USP42: variants seen among roughly 807,000 people sequenced by gnomAD.
The protein encoded by USP42 is ubiquitin specific peptidase 42, also known as ubiquitin carboxyl-terminal hydrolase 42.
Under a neutral mutation model 113.0 loss-of-function variants are expected in USP42, and 23 were observed. That is an observed-to-expected ratio of 0.20 (90% confidence interval 0.15 to 0.29). The LOEUF is 0.29. Ranked by LOEUF, USP42 falls within the 10% of genes least tolerant of loss-of-function variation. The pLI, the probability that USP42 is intolerant of heterozygous loss-of-function variation, is 1.00. For synonymous variants in USP42, 933 were observed against 699.0 expected (o/e 1.33, Z -5.28); for missense variants, 2,174 against 1,779.8 (o/e 1.22, Z -3.99).
At chr7:6,126,096 T>C (rs1218287864) in intron 3 of USP42, among the ~76,000 whole-genome samples, 1 of 152,226 alleles carries the variant, frequency 6.6e-6, no homozygotes, top group East Asian at 1.9e-4. Context: ...CCTTAACCTC[T>C]GGTGACCACT....
intron 12 of USP42, among the ~76,000 whole-genome samples, chr7:6,148,441 C>T (rs1401536723): frequency 1.3e-5 from 2 of 152,202 alleles, no homozygotes; most frequent in East Asian, 3.8e-4. Context: ...AATTTTAGGT[C>T]CCCTCTGGAC....
intron 8 of USP42, among the ~76,000 whole-genome samples, chr7:6,143,765 T>C (rs1289947696): frequency 6.6e-6 from 1 of 152,178 alleles, no homozygotes; most frequent in African/African-American, 2.4e-5. Context: ...ATTATACCAG[T>C]CTGAACATGT....
At chr7:6,144,050 C>A in intron 8 of USP42, 35 bp from the exon 9 acceptor site, 2 of 1,336,114 alleles carry the variant, frequency 1.5e-6, no homozygotes, top group Admixed American at 2.9e-5. Context: ...TGTATATATT[C>A]GTCTTCTTAT....
Position 6,154,950 on chromosome 7 carries a change from C to A in USP42, c.3396C>A (p.Phe1132Leu). 1 of 1,555,674 alleles carries A rather than the reference C, an allele frequency of 6.4e-7. No individual in the cohort carries two copies. Among genetic ancestry groups the A allele is most frequent in the Non-Finnish European group, 8.7e-7 (1 of 1,149,244 alleles). The change falls in exon 15 of 18, where the codon TTC becomes TTA. Residue 1132 changes from phenylalanine (F) to leucine (L), a missense_variant. By Grantham distance (22) the Phe-to-Leu change is conservative (BLOSUM62 0). Transcript: ENST00000306177. ...PHALAPHPDR[F>L]SHDRTALVAG... is the part of the protein sequence containing the mutation. Reference sequence around the variant, plus strand: ...CCCTCGCCCCGCACCCCGACCGCTTCTCCCACGACAGAACTGCACTTGTAG... The same window carrying A: ...CCCTCGCCCCGCACCCCGACCGCTTATCCCACGACAGAACTGCACTTGTAG...
the USP42 span, among the ~76,000 whole-genome samples, chr7:6,094,407 G>T: frequency 6.6e-6 from 1 of 150,838 alleles, no homozygotes. Context: ...TTAGCCTCAA[G>T]CGATCTTCCT....
chr7:6,156,671 ATGGGTG>A, intron 15 of USP42, 77 bp from the exon 16 acceptor site: 1 of 1,450,886 alleles, frequency 6.9e-7, no homozygotes, highest in East Asian at 2.5e-5. Context: ...TTCTCGGTGA[ATGGGTG>A]GAAAGGCCAA....
chr7:6,114,800 C>A (rs538752244), intron 2 of USP42, among the ~76,000 whole-genome samples: 1 of 146,566 alleles, frequency 6.8e-6, no homozygotes, highest in Non-Finnish European at 1.5e-5. Flanking sequence ...ACGCCATTCT[C>A]CTGTCTTAGC....
At chr7:6,090,404 T>C in the USP42 span, among the ~76,000 whole-genome samples, 1 of 144,402 alleles carries the variant, frequency 6.9e-6, no homozygotes, top group Non-Finnish European at 1.5e-5. Context: ...TATATTTATA[T>C]ATATTATATA....
rs779616023 is a variant in USP42 at position 6,141,024 on chromosome 7, T to C, written c.795+40T>C. The stretch of plus-strand genomic sequence containing the variant: ...TATGGGAGTAATTACATTTTTAAAA[T>C]AAGTCATTTTATGTAACTGTAGTTC... On this transcript the variant is annotated intron_variant, in intron 7 of 17. Coordinates refer to ENST00000306177, the MANE Select transcript of USP42 (RefSeq NM_032172.3). 3 of 1,073,972 alleles carry C rather than the reference T, an allele frequency of 2.8e-6. No homozygotes were observed. In the South Asian group the frequency reaches 4.6e-5, roughly 16 times the overall value. 66.5% of individuals were successfully genotyped at this position (1,073,972 alleles called of 1,614,324 possible).
chr7:6,133,763 G>A (rs183010784), intron 3 of USP42, among the ~76,000 whole-genome samples: 302 of 152,148 alleles, frequency 2.0e-3, no homozygotes, highest in African/African-American at 6.9e-3. Flanking sequence ...CAAGTGGTCC[G>A]CCTGCCTCAG....
chr7:6,117,347 C>T (rs764192420), intron 3 of USP42, among the ~76,000 whole-genome samples: 3 of 152,172 alleles, frequency 2.0e-5, no homozygotes, highest in Admixed American at 6.5e-5. Flanking sequence ...ATAATCCTGT[C>T]AACATTATTC....
Position 6,157,328 on chromosome 7 carries a change from C to G in USP42, c.3943+273C>G, listed in dbSNP as rs1389318404. ...CACCAAAGCCCTGGAACGTACAGCT[C>G]TAGGCATCTGACTTTGCCTTGCAAA... On this transcript the variant is annotated intron_variant, in intron 16 of 17. Transcript: ENST00000306177. The surrounding 1 kb of genome is among the most constrained non-coding windows in gnomAD (Gnocchi z 4.1). 11 of 1,112,062 alleles carry G rather than the reference C, an allele frequency of 9.9e-6. No individual in the cohort carries two copies. Among genetic ancestry groups the G allele is most frequent in the African/African-American group, 1.6e-5 (1 of 61,690 alleles). The allele number at this position is 1,112,062 out of a possible 1,614,324, so 68.9% of individuals were successfully genotyped here.
rs1232718712 is a variant in USP42 at position 6,153,764 on chromosome 7, G to A, written c.2210G>A (p.Gly737Glu). 4.8e-6 allele frequency: 7 copies of A among 1,465,976 alleles called. No individual in the cohort carries two copies. In the South Asian group the frequency reaches 9.6e-5, roughly 20 times the overall value. The allele number at this position is 1,465,976 out of a possible 1,614,324, so 90.8% of individuals were successfully genotyped here. Residue 737 changes from glycine to glutamate, a missense_variant, in exon 15 of 18, where the codon GGA becomes GAA. Transcript: ENST00000306177. Reference protein sequence around the residue: ...KGSTDEMSAPGAERGPPEDRD... With the variant: ...KGSTDEMSAPEAERGPPEDRD... ...TTGTTTGGGGGCTGCAGTGCACCTGGAGCAGAGAGGGGCCCTCCCGAGGAC... is the reference window on the plus strand; with the variant it reads ...TTGTTTGGGGGCTGCAGTGCACCTGAAGCAGAGAGGGGCCCTCCCGAGGAC...
chr7:6,138,115 C>A (rs528749439), intron 4 of USP42, among the ~76,000 whole-genome samples: 72 of 152,246 alleles, frequency 4.7e-4, no homozygotes, highest in Non-Finnish European at 7.1e-4. Context: ...GAAGTTGTCA[C>A]GTTTGTAGGT....
intron 2 of USP42, among the ~76,000 whole-genome samples, chr7:6,114,666 A>G (rs1401099284): frequency 2.5e-5 from 1 of 39,356 alleles, no homozygotes; most frequent in African/African-American, 1.1e-4. Flanking sequence ...GTATATATAT[A>G]TATATATATA....
At chr7:6,082,216 C>T in the USP42 span, among the ~76,000 whole-genome samples, 3 of 151,684 alleles carry the variant, frequency 2.0e-5, no homozygotes, top group Non-Finnish European at 4.4e-5. Context: ...GCAAGCTCGG[C>T]CTCCCGGGTT....
At chr7:6,137,030 G>C (rs1386444162) in intron 4 of USP42, among the ~76,000 whole-genome samples, 2 of 151,830 alleles carry the variant, frequency 1.3e-5, no homozygotes. Context: ...ATTTTAAATG[G>C]GTAAGTGCAT....
chr7:6,138,729 A>T (rs1781291007), intron 4 of USP42, among the ~76,000 whole-genome samples: 2 of 152,204 alleles, frequency 1.3e-5, no homozygotes, highest in African/African-American at 4.8e-5. Context: ...TTAGATTCTC[A>T]TAGCAGCGCC....
chr7:6,113,812 A>G (rs369369720), intron 2 of USP42, among the ~76,000 whole-genome samples: 14 of 151,898 alleles, frequency 9.2e-5, no homozygotes, highest in African/African-American at 3.1e-4. Flanking sequence ...TAGTAGAGAC[A>G]GGGTTTCACT....
Sources: allele counts gnomAD v4.1 joint callset (sites outside exome capture counted in the v4.1 genomes callset), GRCh38; gene constraint gnomAD v4.1.1; non-coding constraint Gnocchi (gnomAD v3.1); transcripts MANE v1.5; gene names NCBI Gene and HGNC (gene_info 2026-07-23, HGNC 2026-07-21).